GRIP1: variants seen among roughly 807,000 people sequenced by gnomAD.
GRIP1 encodes the protein glutamate receptor interacting protein 1, also known as glutamate receptor-interacting protein 1.
A neutral mutation model predicts 129.9 loss-of-function variants in GRIP1; 45 were observed. That is an observed-to-expected ratio of 0.35 (90% CI 0.27 to 0.44). The LOEUF (loss-of-function observed/expected upper bound fraction) is 0.44. GRIP1 is among the 20% of genes least tolerant of loss of function. The pLI is 1.00. For missense variants in GRIP1, 1,196 were observed against 1,396.8 expected (o/e 0.86, Z 2.29); for synonymous variants, 530 against 520.8 (o/e 1.02, Z -0.24).
At chr12:66,924,410 G>A (rs535242149) in intron 1 of GRIP1, among the ~76,000 whole-genome samples, 1 of 152,188 alleles carries the variant, frequency 6.6e-6, no homozygotes, top group Non-Finnish European at 1.5e-5. Context: ...TGGGGCCCAT[G>A]CTGCAGGTAG....
intron 1 of GRIP1, among the ~76,000 whole-genome samples, chr12:66,864,572 G>T (rs2040169606): frequency 6.9e-6 from 1 of 145,902 alleles, no homozygotes; most frequent in South Asian, 2.2e-4. Context: ...AAAAAAAATA[G>T]CTGGGTATGG....
chr12:66,824,524 C>A (rs1256548319), intron 1 of GRIP1, among the ~76,000 whole-genome samples: 1 of 152,140 alleles, frequency 6.6e-6, no homozygotes, highest in African/African-American at 2.4e-5. Context: ...CCAAACACCA[C>A]CTCCCTCCCC....
chr12:66,533,863 TCA>T (rs1179278383), intron 4 of GRIP1, among the ~76,000 whole-genome samples: 21 of 98,250 alleles, frequency 2.1e-4, no homozygotes, highest in African/African-American at 6.5e-4. Flanking sequence ...ACACACACAC[TCA>T]CACACACACA....
chr12:66,725,643 C>T (rs916596209), intron 1 of GRIP1, among the ~76,000 whole-genome samples: 1 of 151,992 alleles, frequency 6.6e-6, no homozygotes, highest in Middle Eastern at 3.4e-3. Context: ...ATGATGTAAG[C>T]GATCATCTGT....
intron 1 of GRIP1, among the ~76,000 whole-genome samples, chr12:66,841,181 CGAAAATCT>C (rs1214694365): frequency 6.6e-6 from 1 of 152,028 alleles, no homozygotes; most frequent in African/African-American, 2.4e-5. Context: ...CAAAAATGAA[CGAAAATCT>C]GAAAATCTGA....
rs59374332 is a variant in GRIP1, at chr12:66,882,210, CAA to C, written c.58+186838_58+186839del. 7.0e-3 allele frequency among the ~76,000 whole-genome samples: 912 copies of C among 129,468 alleles called. 5 individuals carry two copies. The highest frequency in any genetic ancestry group is 0.022 in the African/African-American group (759 of 34,772). 84.9% of individuals were successfully genotyped at this position (129,468 alleles called of 152,430 possible). ...CATGTAAACACATAGTGTGCCATCA[CAA>C]AAAAAAAAAAAAAAAAAGACCACTC... On this transcript the variant is annotated intron_variant, in intron 1 of 1. Transcript: ENST00000643019.
chr12:66,662,068 T>C (rs1384822642), intron 1 of GRIP1, among the ~76,000 whole-genome samples: 1 of 152,150 alleles, frequency 6.6e-6, no homozygotes, highest in African/African-American at 2.4e-5. Context: ...TAGAATGATA[T>C]TAATTGTGTA....
chr12:66,425,491 A>AT (rs1314836239), intron 14 of GRIP1, among the ~76,000 whole-genome samples: 1 of 152,240 alleles, frequency 6.6e-6, no homozygotes, highest in Non-Finnish European at 1.5e-5. Context: ...CCAAAGGATT[A>AT]TAAATCATGC....
At chr12:66,596,269 T>C (rs747935188) in intron 2 of GRIP1, among the ~76,000 whole-genome samples, 3 of 152,168 alleles carry the variant, frequency 2.0e-5, no homozygotes, top group Non-Finnish European at 4.4e-5. Context: ...ATATTGACGT[T>C]TTGGGGTAAA....
In GRIP1 at chr12:66,672,445, C is replaced by T. The variant is rs371271841; in HGVS notation, c.55+6405G>A. 9.5e-4 allele frequency among the ~76,000 whole-genome samples: 144 copies of T among 151,944 alleles called. 1 individual carries two copies. Among genetic ancestry groups the T allele is most frequent in the African/African-American group, 3.4e-3 (143 of 41,460 alleles). ...CAAAGTTTCCTTGGTTTGAAGGGTG[C>T]AGTAACATCCTTTAAGGAGCTACAT... is the stretch of plus-strand genomic sequence containing the variant. On this transcript the variant is annotated intron_variant, in intron 1 of 24. Coordinates refer to ENST00000359742, the MANE Select transcript of GRIP1 (RefSeq NM_001366722.1).
intron 1 of GRIP1, among the ~76,000 whole-genome samples, chr12:66,732,917 A>G (rs961030165): frequency 3.3e-5 from 5 of 152,230 alleles, no homozygotes; most frequent in African/African-American, 1.2e-4. Flanking sequence ...AGAAGATTTG[A>G]CAATTCAGAA....
intron 1 of GRIP1, among the ~76,000 whole-genome samples, chr12:66,954,635 G>A (rs183897095): frequency 1.3e-4 from 20 of 152,232 alleles, no homozygotes; most frequent in East Asian, 3.9e-4. Flanking sequence ...CACTTTCATC[G>A]GACAGTAATA....
chr12:66,714,840 T>A (rs948824334), intron 1 of GRIP1, among the ~76,000 whole-genome samples: 5 of 151,650 alleles, frequency 3.3e-5, no homozygotes, highest in African/African-American at 7.3e-5. Flanking sequence ...AATCCATCCA[T>A]CCAATCCACC....
At chr12:66,397,558 TA>T (rs201055324) in intron 16 of GRIP1, among the ~76,000 whole-genome samples, 1 of 152,028 alleles carries the variant, frequency 6.6e-6, no homozygotes. Context: ...TAGATTGCTT[TA>T]AAAAAACAGT....
At chr12:66,864,420 A>C (rs1162790949) in intron 1 of GRIP1, among the ~76,000 whole-genome samples, 2 of 152,140 alleles carry the variant, frequency 1.3e-5, no homozygotes, top group Admixed American at 1.3e-4. Flanking sequence ...AATAATTTTT[A>C]AAGGTCTGTT....
intron 1 of GRIP1, among the ~76,000 whole-genome samples, chr12:67,004,436 AAATT>A (rs1284758323): frequency 6.6e-6 from 1 of 152,234 alleles, no homozygotes; most frequent in Non-Finnish European, 1.5e-5. Context: ...GAGTTGGATT[AAATT>A]AATAAATTAT....
rs560395826 is a variant in GRIP1, at chr12:66,923,412, A to G, written c.58+145638T>C. Among the ~76,000 whole-genome samples the G allele has an allele frequency of 2.0e-4, 30 of 152,320 alleles. 1 individual carries two copies. Among genetic ancestry groups the G allele is most frequent in the African/African-American group, 6.5e-4 (27 of 41,572 alleles). On this transcript the variant is annotated intron_variant, in intron 1 of 1. Coordinates refer to the GRIP1 transcript ENST00000643019. ...TGGCAGTTAGATATCTCACTAAGTCATAGTCCAGAGCATCAACTGATTCCT... is the reference window on the plus strand; with the variant it reads ...TGGCAGTTAGATATCTCACTAAGTCGTAGTCCAGAGCATCAACTGATTCCT...
In GRIP1 at chr12:66,723,218, CTT is replaced by C. The variant is rs1565987631; in HGVS notation, c.-420+80833_-420+80834del. ...TTCATCTTCTTTTCTTTCTTTCTTTCTTTCTTTCTCTCTCTCTCTCTCTTCCT... is the reference window on the plus strand; with the variant it reads ...TTCATCTTCTTTTCTTTCTTTCTTTCTCTTTCTCTCTCTCTCTCTCTTCCT... On this transcript the variant is annotated intron_variant, in intron 1 of 4. Transcript: ENST00000538373. Among the ~76,000 whole-genome samples the C allele has an allele frequency of 4.2e-4, 21 of 49,514 alleles. 1 individual carries two copies. Among genetic ancestry groups the C allele is most frequent in the Non-Finnish European group, 6.6e-4 (19 of 28,798 alleles). 32.5% of individuals were successfully genotyped at this position (49,514 alleles called of 152,430 possible).
chr12:66,412,718 T>C (rs185716414), intron 15 of GRIP1, among the ~76,000 whole-genome samples: 5 of 152,236 alleles, frequency 3.3e-5, no homozygotes, highest in African/African-American at 9.6e-5. Flanking sequence ...CAAGACCTAT[T>C]GGTATGCTGT....
Sources: gnomAD v4.1 joint callset for allele counts (sites outside exome capture counted in the v4.1 genomes callset) on GRCh38, gnomAD v4.1.1 for gene constraint, MANE v1.5 for transcripts, NCBI Gene and HGNC (gene_info 2026-07-23, HGNC 2026-07-21) for gene names.